The following PEPD variants were observed in gnomAD, a reference collection of about 807,000 sequenced individuals.
The protein encoded by PEPD is xaa-Pro dipeptidase.
Under a neutral mutation model 60.7 loss-of-function variants are expected in PEPD, and 53 were observed. The observed-to-expected ratio is 0.87, with a 90% CI of 0.70 to 1.10. The LOEUF (loss-of-function observed/expected upper bound fraction) is 1.10, where lower values mean the gene tolerates loss of function less well. Among genes scored for constraint, PEPD ranks in the 50% least tolerant of loss-of-function variants. PEPD has a pLI of 0.00. For missense variants in PEPD, 711 were observed against 711.9 expected (o/e 1.00, Z 0.01); for synonymous variants, 267 against 284.1 (o/e 0.94, Z 0.60).
At chr19:33,478,645 G>A (rs148860201) in intron 6 of PEPD, among the ~76,000 whole-genome samples, 1 of 152,100 alleles carries the variant, frequency 6.6e-6, no homozygotes, top group African/African-American at 2.4e-5. Context: ...ACCTATGGTG[G>A]AGAGAAGGCA....
At chr19:33,458,843 ATGTGGTG>A (rs1286137622) in intron 9 of PEPD, among the ~76,000 whole-genome samples, 7 of 1,528 alleles carry the variant, frequency 4.6e-3, no homozygotes, top group African/African-American at 0.013. Flanking sequence ...GATGTGTGGT[ATGTGGTG>A]TGTATGGTGT....
rs201433406 is a variant in PEPD at position 33,426,972 on chromosome 19, C to T, written c.672-13329G>A. Among the ~76,000 whole-genome samples the T allele has an allele frequency of 5.9e-5, 9 of 152,340 alleles. No individual in the cohort carries two copies. In the East Asian group the frequency reaches 1.7e-3, roughly 29 times the overall value. ...GTGGGCAGGGCCCCTCCACCGCGTG[C>T]GGCTGTGTTTTATGGCAGCGAACCG... On this transcript the variant is annotated intron_variant, in intron 9 of 14. Coordinates refer to ENST00000244137, the MANE Select transcript of PEPD (RefSeq NM_000285.4).
intron 1 of PEPD, among the ~76,000 whole-genome samples, chr19:33,513,869 T>TGCCC: frequency 2.1e-5 from 1 of 47,958 alleles, no homozygotes; most frequent in Admixed American, 2.4e-4. Context: ...CATGCCCTTT[T>TGCCC]ACCCAGCCTC....
At chr19:33,454,961 C>G (rs1969769574) in intron 9 of PEPD, among the ~76,000 whole-genome samples, 3 of 152,188 alleles carry the variant, frequency 2.0e-5, no homozygotes. Flanking sequence ...AATTGAAAGG[C>G]ATTCTTCAAA....
chr19:33,420,747 A>T (rs1274031216), intron 9 of PEPD, among the ~76,000 whole-genome samples: 1 of 127,780 alleles, frequency 7.8e-6, no homozygotes, highest in Non-Finnish European at 1.6e-5. Flanking sequence ...AGCTGTAATT[A>T]AAAAAAAAAC....
chr19:33,469,431 C>T (rs1970081403), intron 7 of PEPD, among the ~76,000 whole-genome samples: 1 of 152,198 alleles, frequency 6.6e-6, no homozygotes, highest in Non-Finnish European at 1.5e-5. Context: ...AAGATATCTA[C>T]CCCCAACTTC....
At chr19:33,398,218 C>A (rs936740455) in intron 12 of PEPD, among the ~76,000 whole-genome samples, 1 of 152,256 alleles carries the variant, frequency 6.6e-6, no homozygotes, top group Non-Finnish European at 1.5e-5. Context: ...AGCTCCTCAG[C>A]CTGATGCTTG....
chr19:33,453,871 C>T (rs907557040), intron 9 of PEPD, among the ~76,000 whole-genome samples: 3 of 152,224 alleles, frequency 2.0e-5, no homozygotes, highest in Admixed American at 1.3e-4. Flanking sequence ...GAACACTAGT[C>T]TCTGGGGACC....
At chr19:33,418,931 C>G (rs1968949781) in intron 9 of PEPD, among the ~76,000 whole-genome samples, 1 of 152,216 alleles carries the variant, frequency 6.6e-6, no homozygotes, top group Admixed American at 6.5e-5. Context: ...TAGCGGAGAG[C>G]TGGTCAGCAT....
chr19:33,517,050 T>C (rs1303489513), intron 1 of PEPD, among the ~76,000 whole-genome samples: 1 of 152,096 alleles, frequency 6.6e-6, no homozygotes, highest in Non-Finnish European at 1.5e-5. Flanking sequence ...GAATGGTGGC[T>C]TGTGCATGTG....
intron 9 of PEPD, among the ~76,000 whole-genome samples, chr19:33,434,326 G>C (rs748051342): frequency 6.6e-6 from 1 of 152,166 alleles, no homozygotes; most frequent in Non-Finnish European, 1.5e-5. Context: ...GCAGGCAAAG[G>C]GGGAGTGTGG....
chr19:33,427,827 A>G (rs976493950), intron 9 of PEPD, among the ~76,000 whole-genome samples: 2 of 152,204 alleles, frequency 1.3e-5, no homozygotes, highest in East Asian at 1.9e-4. Flanking sequence ...CTATCGATGC[A>G]AAGTTAAATA....
At chr19:33,502,831 T>C (rs1970735867) in intron 3 of PEPD, among the ~76,000 whole-genome samples, 1 of 152,004 alleles carries the variant, frequency 6.6e-6, no homozygotes, top group South Asian at 2.1e-4. Context: ...TTTCAATAAA[T>C]CTCTGCTTTC....
intron 9 of PEPD, among the ~76,000 whole-genome samples, chr19:33,437,169 C>T (rs374700769): frequency 3.9e-5 from 6 of 152,202 alleles, no homozygotes; most frequent in South Asian, 4.1e-4. Flanking sequence ...CTCCGGCCCT[C>T]GGAAAAGCTG....
At chr19:33,447,875 G>C (rs1017393668) in intron 9 of PEPD, among the ~76,000 whole-genome samples, 1 of 152,218 alleles carries the variant, frequency 6.6e-6, no homozygotes, top group Non-Finnish European at 1.5e-5. Flanking sequence ...GAACCACAAA[G>C]GCAGAGGATG....
intron 11 of PEPD, 22 bp from the exon 12 acceptor site, chr19:33,401,891 GC>G: frequency 1.2e-6 from 2 of 1,611,648 alleles, no homozygotes; most frequent in Non-Finnish European, 1.7e-6. Context: ...GGAAGGCAGG[GC>G]AAGTGGGTAC....
chr19:33,478,120 A>T, intron 6 of PEPD, 30 bp from the exon 7 acceptor site: 1 of 1,524,200 alleles, frequency 6.6e-7, no homozygotes, highest in South Asian at 1.1e-5. Context: ...CAAGCCCATT[A>T]ATCCAACGGT....
chr19:33,473,168 G>A (rs943443167), intron 7 of PEPD, among the ~76,000 whole-genome samples: 4 of 152,022 alleles, frequency 2.6e-5, no homozygotes, highest in Admixed American at 1.3e-4. Flanking sequence ...GCCTCCTGGC[G>A]CGCAGTGACT....
rs372949783 is a variant in PEPD, at chr19:33,401,711, C to G, written c.967+10G>C. The G allele has an allele frequency of 1.2e-6, 2 of 1,603,596 alleles. No individual in the cohort carries two copies. Among genetic ancestry groups the G allele is most frequent in the Non-Finnish European group, 1.7e-6 (2 of 1,175,800 alleles). On this transcript the variant is annotated intron_variant, in intron 12 of 14. Coordinates refer to ENST00000244137, the MANE Select transcript of PEPD (RefSeq NM_000285.4). ...TCAGATGCGCCTCCCCCCACCGACC[C>G]GCTGCTCACCTGGCTTCATGGCACC... is the stretch of plus-strand genomic sequence containing the variant.
Sources: allele counts gnomAD v4.1 joint callset (sites outside exome capture counted in the v4.1 genomes callset), GRCh38; gene constraint gnomAD v4.1.1; transcripts MANE v1.5; gene names NCBI Gene and HGNC (gene_info 2026-07-23, HGNC 2026-07-21).